CPNE4: variants seen among roughly 807,000 people sequenced by gnomAD.
The protein encoded by CPNE4 is copine-4.
CPNE4 carries 25 observed loss-of-function variants against 67.9 expected under a neutral mutation model. The ratio of observed to expected loss-of-function variants is 0.37; its 90% confidence interval spans 0.27 to 0.51. The LOEUF (loss-of-function observed/expected upper bound fraction) is 0.51. Among genes scored for constraint, CPNE4 ranks in the 20% least tolerant of loss-of-function variants. The pLI, the probability that CPNE4 is intolerant of heterozygous loss-of-function variation, is 0.93. For synonymous variants in CPNE4, 242 were observed against 244.9 expected (o/e 0.99, Z 0.11); for missense variants, 464 against 690.8 (o/e 0.67, Z 3.68).
intron 2 of CPNE4, 46 bp downstream of exon 2, chr3:131,905,218 C>A (rs948393042): frequency 6.7e-7 from 1 of 1,493,628 alleles, no homozygotes. Context: ...CATTTTTGAG[C>A]CAATCATCCA....
chr3:131,620,260 GT>G (rs1940392110), intron 7 of CPNE4, among the ~76,000 whole-genome samples: 1 of 152,190 alleles, frequency 6.6e-6, no homozygotes. Flanking sequence ...TGCTGTAATT[GT>G]TTGGTTAATT....
At chr3:131,980,349 G>T (rs1383613625) in intron 1 of CPNE4, among the ~76,000 whole-genome samples, 1 of 152,016 alleles carries the variant, frequency 6.6e-6, no homozygotes, top group Non-Finnish European at 1.5e-5. Context: ...AGGTTTGATT[G>T]TTTAACATAA....
chr3:131,796,434 C>T (rs936744356), intron 2 of CPNE4, among the ~76,000 whole-genome samples: 2 of 152,154 alleles, frequency 1.3e-5, no homozygotes, highest in African/African-American at 4.8e-5. Context: ...CCTGCTCCCT[C>T]AGGTCAAGAG....
rs527710929 is a variant in CPNE4, at chr3:131,585,707, T to G, written c.780+1777A>C. The stretch of plus-strand genomic sequence containing the variant: ...CTTTTTAGAACTCTAGCAGGTGGTA[T>G]GAATGCTATCATTGATTTAGCAGCT... On this transcript the variant is annotated intron_variant, in intron 8 of 15. Coordinates refer to ENST00000429747, the MANE Select transcript of CPNE4 (RefSeq NM_130808.3). 5.3e-5 allele frequency among the ~76,000 whole-genome samples: 8 copies of G among 152,356 alleles called. No homozygotes were observed. The South Asian group carries it at 1.7e-3, about 32-fold the overall frequency.
intron 2 of CPNE4, among the ~76,000 whole-genome samples, chr3:131,871,322 A>G (rs1034924798): frequency 6.6e-6 from 1 of 152,086 alleles, no homozygotes; most frequent in Non-Finnish European, 1.5e-5. Flanking sequence ...TGCCCTGATA[A>G]GAAGAGTTGC....
chr3:131,743,221 T>A (rs1166089321), intron 2 of CPNE4, among the ~76,000 whole-genome samples: 1 of 152,180 alleles, frequency 6.6e-6, no homozygotes, highest in Non-Finnish European at 1.5e-5. Context: ...CTCAAAGTTA[T>A]CTAACAGGCA....
intron 2 of CPNE4, among the ~76,000 whole-genome samples, chr3:131,756,398 T>C (rs2082751237): frequency 6.6e-6 from 1 of 152,222 alleles, no homozygotes; most frequent in African/African-American, 2.4e-5. Context: ...TGGATAGATA[T>C]CTCACTATCT....
chr3:131,627,481 C>T (rs2079109344), intron 7 of CPNE4, among the ~76,000 whole-genome samples: 1 of 151,860 alleles, frequency 6.6e-6, no homozygotes, highest in Non-Finnish European at 1.5e-5. Context: ...AACATCCATT[C>T]TGCAGCCCAT....
chr3:131,659,146 A>G (rs577506736), intron 7 of CPNE4, among the ~76,000 whole-genome samples: 1 of 152,366 alleles, frequency 6.6e-6, no homozygotes, highest in South Asian at 2.1e-4. Context: ...ATTTTAAACT[A>G]AATAAACAAT....
intron 1 of CPNE4, among the ~76,000 whole-genome samples, chr3:132,004,852 A>G (rs1583586278): frequency 6.6e-6 from 1 of 152,142 alleles, no homozygotes. Context: ...TCATGTTAGT[A>G]TAGCCATTAC....
At chr3:132,026,364 A>G (rs1249644329) in intron 1 of CPNE4, among the ~76,000 whole-genome samples, 1 of 152,218 alleles carries the variant, frequency 6.6e-6, no homozygotes, top group African/African-American at 2.4e-5. Flanking sequence ...AAGGCACACA[A>G]TGCAGGGGCT....
At chr3:131,999,767 A>AT (rs1298278539) in intron 1 of CPNE4, among the ~76,000 whole-genome samples, 7 of 151,906 alleles carry the variant, frequency 4.6e-5, no homozygotes, top group African/African-American at 1.7e-4. Context: ...TCACATTCAA[A>AT]TTTTTTTCAT....
intron 1 of CPNE4, among the ~76,000 whole-genome samples, chr3:131,945,614 C>T (rs1341019501): frequency 1.3e-5 from 2 of 152,200 alleles, no homozygotes; most frequent in Non-Finnish European, 2.9e-5. Context: ...CTTCCTTCCT[C>T]TCTCTTTGTA....
intron 2 of CPNE4, among the ~76,000 whole-genome samples, chr3:131,860,867 G>A (rs2086650253): frequency 6.6e-6 from 1 of 152,148 alleles, no homozygotes; most frequent in Non-Finnish European, 1.5e-5. Flanking sequence ...ATAAATACCT[G>A]ATTTGTGAGT....
At chr3:131,768,200 T>C (rs2083072208) in intron 2 of CPNE4, among the ~76,000 whole-genome samples, 1 of 152,090 alleles carries the variant, frequency 6.6e-6, no homozygotes, top group Admixed American at 6.6e-5. Context: ...CTAGAGCTGG[T>C]CGTGACTTCT....
At chr3:131,854,892 G>C (rs1313121411) in intron 2 of CPNE4, among the ~76,000 whole-genome samples, 2 of 148,158 alleles carry the variant, frequency 1.3e-5, no homozygotes, top group Non-Finnish European at 3.0e-5. Context: ...AAGATTATTT[G>C]AACAGTACCA....
At position 131,820,906 on chromosome 3, in the gene CPNE4, C is replaced by T. The variant is rs1057293657; in HGVS notation, c.180+84358G>A. Among the ~76,000 whole-genome samples the T allele has an allele frequency of 2.6e-5, 4 of 152,258 alleles. No individual in the cohort carries two copies. In the East Asian group the frequency reaches 7.7e-4, roughly 29 times the overall value. On this transcript the variant is annotated intron_variant, in intron 2 of 15. Transcript: ENST00000429747. ...TTTTAAATGATACTTCTTGCCACAC[C>T]ATTCCTATGCCTGTCCAACATCAAC...
In CPNE4 at chr3:131,557,063, AATG is replaced by A. The variant is rs1582791285; in HGVS notation, c.1062-1515_1062-1513del. On this transcript the variant is annotated intron_variant, in intron 11 of 15. Coordinates refer to ENST00000429747, the MANE Select transcript of CPNE4 (RefSeq NM_130808.3). ...CCTTTCTGTTATACCATTATAATTT[AATG>A]ATTATATGTAGTATTAAATGTGATT... Among the ~76,000 whole-genome samples the A allele has an allele frequency of 2.6e-5, 4 of 152,176 alleles. No individual in the cohort carries two copies. The East Asian group carries it at 7.8e-4, about 30-fold the overall frequency.
At chr3:131,797,712 A>G (rs548887987) in intron 2 of CPNE4, among the ~76,000 whole-genome samples, 12 of 152,292 alleles carry the variant, frequency 7.9e-5, no homozygotes, top group African/African-American at 2.9e-4. Context: ...CACTAACACT[A>G]AGGTAGATGT....
Sources: allele counts gnomAD v4.1 joint callset (sites outside exome capture counted in the v4.1 genomes callset), GRCh38; gene constraint gnomAD v4.1.1; transcripts MANE v1.5; gene names NCBI Gene and HGNC (gene_info 2026-07-23, HGNC 2026-07-21).